The following RBPJ variants were observed in gnomAD, a reference collection of about 807,000 sequenced individuals.
The protein encoded by RBPJ is recombining binding protein suppressor of hairless.
Under a neutral mutation model 67.8 loss-of-function variants are expected in RBPJ, and 9 were observed. The ratio of observed to expected loss-of-function variants is 0.13; its 90% CI spans 0.08 to 0.23. The LOEUF (loss-of-function observed/expected upper bound fraction) is 0.23, where lower values mean the gene tolerates loss of function less well. Among genes scored for constraint, RBPJ ranks in the 10% least tolerant of loss-of-function variants. RBPJ has a pLI of 1.00. For synonymous variants in RBPJ, 198 were observed against 203.3 expected, an observed-to-expected ratio of 0.97 and a Z score of 0.22; for missense variants, 305 against 595.6, an observed-to-expected ratio of 0.51 and a Z score of 5.08.
chr4:26,226,953 G>A (rs1400086891), intron 1 of RBPJ, among the ~76,000 whole-genome samples: 8 of 152,184 alleles, frequency 5.3e-5, no homozygotes, highest in African/African-American at 1.4e-4. Context: ...ACACAAGGCC[G>A]GGAGAAGTGG....
the RBPJ span, among the ~76,000 whole-genome samples, chr4:26,109,664 C>A: frequency 0.011 from 683 of 63,460 alleles, 108 homozygotes; most frequent in East Asian, 0.044. Flanking sequence ...CTCTCTCTCT[C>A]TCTCTATATA....
chr4:26,349,633 T>C (rs184330484), intron 1 of RBPJ, among the ~76,000 whole-genome samples: 2 of 152,332 alleles, frequency 1.3e-5, no homozygotes, highest in Admixed American at 6.5e-5. Flanking sequence ...ACAGGAAAAG[T>C]AATTGATTTG....
chr4:26,173,186 A>G (rs1362806008), intron 1 of RBPJ, among the ~76,000 whole-genome samples: 1 of 151,988 alleles, frequency 6.6e-6, no homozygotes, highest in African/African-American at 2.4e-5. Context: ...CCCAGGCTGG[A>G]GTGCAGTGGT....
At position 26,432,415 on chromosome 4, in the gene RBPJ, T is replaced by C. The variant is rs1325056670; in HGVS notation, c.*1408T>C. 1.3e-5 allele frequency: 2 copies of C among 152,218 alleles called. No homozygotes were observed. The highest frequency in any genetic ancestry group is 4.8e-5 in the African/African-American group (2 of 41,450). The allele number at this position is 152,218 out of a possible 1,614,324, so 9.4% of individuals were successfully genotyped here. A position where few individuals can be genotyped will look rare whatever the true frequency, so the allele number is the denominator to read the frequency against. On this transcript the variant is annotated 3_prime_UTR_variant, in exon 11 of 11. Transcript: ENST00000355476. ...CATTTTTTTCTCTGCCTTTTTTGTTTGTTTGTTTTCTCTTTTCCAGTACTG... is the reference window on the plus strand; with the variant it reads ...CATTTTTTTCTCTGCCTTTTTTGTTCGTTTGTTTTCTCTTTTCCAGTACTG...
intron 4 of RBPJ, among the ~76,000 whole-genome samples, chr4:26,419,478 C>G (rs1452655118): frequency 2.0e-5 from 3 of 152,098 alleles, no homozygotes; most frequent in Non-Finnish European, 4.4e-5. Context: ...GCTACCGAGG[C>G]TGTCTGTGAA....
Position 26,284,420 on chromosome 4 carries a change from G to A in RBPJ, c.-166-78026G>A, listed in dbSNP as rs28561772. Among the ~76,000 whole-genome samples, 1,316 of 152,294 alleles carry A rather than the reference G, an allele frequency of 8.6e-3. 15 individuals are homozygous for A. The highest frequency in any genetic ancestry group is 0.029 in the African/African-American group (1,218 of 41,566). ...AGAAACTGACATTACCAAGTTGAGT[G>A]TGTCTGCAAAGCATCTTTTCTGGTC... On this transcript the variant is annotated intron_variant, in intron 1 of 4. Coordinates refer to the RBPJ transcript ENST00000512351.
At chr4:26,313,845 T>A (rs1343064177) in intron 1 of RBPJ, among the ~76,000 whole-genome samples, 1 of 152,036 alleles carries the variant, frequency 6.6e-6, no homozygotes, top group Non-Finnish European at 1.5e-5. Flanking sequence ...CCCAAAAAAA[T>A]AAATAAATAA....
chr4:26,256,163 C>T (rs1577363530), intron 1 of RBPJ, among the ~76,000 whole-genome samples: 1 of 152,220 alleles, frequency 6.6e-6, no homozygotes, highest in Middle Eastern at 3.4e-3. Context: ...GTCATCACAA[C>T]CACATGTTAT....
chr4:26,258,329 G>C (rs16878214), intron 1 of RBPJ, among the ~76,000 whole-genome samples: 1 of 152,148 alleles, frequency 6.6e-6, no homozygotes, highest in African/African-American at 2.4e-5. Context: ...CTTCACCTCT[G>C]TATTTTCCAC....
Position 26,370,146 on chromosome 4 carries a change from T to C in RBPJ, c.21-16207T>C, listed in dbSNP as rs544233550. On this transcript the variant is annotated intron_variant, in intron 1 of 10. Coordinates refer to ENST00000355476, the MANE Select transcript of RBPJ (RefSeq NM_015874.6). ...TTCAGAATAAAGGCCTTGTCAAATATAATAACTGGACCAGTGGTTTTAATT... is the reference window on the plus strand; with the variant it reads ...TTCAGAATAAAGGCCTTGTCAAATACAATAACTGGACCAGTGGTTTTAATT... 1.5e-3 allele frequency among the ~76,000 whole-genome samples: 224 copies of C among 152,256 alleles called. 1 individual carries two copies. The highest frequency in any genetic ancestry group is 5.2e-3 in the African/African-American group (217 of 41,544).
chr4:26,415,946 C>T (rs1439783406), intron 4 of RBPJ, among the ~76,000 whole-genome samples: 2 of 152,112 alleles, frequency 1.3e-5, no homozygotes, highest in Non-Finnish European at 2.9e-5. Context: ...TGCTCATCTT[C>T]TGTTTGACAG....
chr4:26,160,151 C>G (rs188308304), upstream of RBPJ, among the ~76,000 whole-genome samples: 1 of 152,334 alleles, frequency 6.6e-6, no homozygotes, highest in East Asian at 1.9e-4. Context: ...ATCTCCTGAT[C>G]TCGTGATCTG....
chr4:26,169,625 G>T (rs1041276121), intron 1 of RBPJ, among the ~76,000 whole-genome samples: 43 of 152,248 alleles, frequency 2.8e-4, no homozygotes, highest in Admixed American at 6.5e-5. Flanking sequence ...GGACATTTAA[G>T]TCTGCAGAGG....
chr4:26,210,700 T>TTTCC lies in RBPJ; in HGVS notation c.-167+47089_-167+47090insCTTC, dbSNP rs1553849153. 2.5e-3 allele frequency among the ~76,000 whole-genome samples: 151 copies of TTTCC among 59,908 alleles called. 2 individuals carry two copies. Among genetic ancestry groups the TTTCC allele is most frequent in the African/African-American group, 7.9e-3 (129 of 16,288 alleles). The allele number at this position is 59,908 out of a possible 152,430, so 39.3% of individuals were successfully genotyped here. A position where few individuals can be genotyped will look rare whatever the true frequency, so the allele number is the denominator to read the frequency against. On this transcript the variant is annotated intron_variant, in intron 1 of 4. Coordinates refer to the RBPJ transcript ENST00000512351. ...TTTCTTTCTTTCCTTTCTTTCTTTC[T>TTTCC]TTCTTTCCTTCTTTCCTTCTTTCTT...
intron 2 of RBPJ, among the ~76,000 whole-genome samples, chr4:26,404,373 G>A (rs943440621): frequency 1.3e-5 from 2 of 152,006 alleles, no homozygotes; most frequent in Non-Finnish European, 2.9e-5. Context: ...ATGCAGAAAC[G>A]TATTACCACT....
chr4:26,434,952 T>C (rs1372457456), downstream of RBPJ: 1 of 152,258 alleles, frequency 6.6e-6, no homozygotes, highest in Non-Finnish European at 1.5e-5. Context: ...CTGATGCATG[T>C]ATTATCGTCT....
intron 1 of RBPJ, among the ~76,000 whole-genome samples, chr4:26,256,322 A>G (rs558661863): frequency 6.6e-6 from 1 of 152,146 alleles, no homozygotes; most frequent in South Asian, 2.1e-4. Context: ...GACTAGCATG[A>G]TGTTTCTGGA....
intron 1 of RBPJ, among the ~76,000 whole-genome samples, chr4:26,273,430 G>A (rs924402546): frequency 3.9e-5 from 6 of 152,246 alleles, no homozygotes; most frequent in Non-Finnish European, 7.3e-5. Flanking sequence ...CCTCCCAGAG[G>A]GCGAGATGCC....
chr4:26,175,171 C>T (rs1443039715), intron 1 of RBPJ, among the ~76,000 whole-genome samples: 2 of 152,222 alleles, frequency 1.3e-5, no homozygotes, highest in East Asian at 1.9e-4. Context: ...CAGAGCCACG[C>T]TTTCTTGGCC....
Sources: allele counts gnomAD v4.1 joint callset (sites outside exome capture counted in the v4.1 genomes callset), GRCh38; gene constraint gnomAD v4.1.1; transcripts MANE v1.5; gene names NCBI Gene and HGNC (gene_info 2026-07-23, HGNC 2026-07-21).